Variants in RILPL2 observed in about 807,000 individuals in gnomAD.
The protein encoded by RILPL2 is Rab interacting lysosomal protein like 2.
RILPL2 carries 19 observed loss-of-function variants against 22.2 expected under a neutral mutation model. The observed-to-expected ratio is 0.86, with a 90% CI of 0.60 to 1.25. RILPL2 has a LOEUF of 1.25. Among genes scored for constraint, RILPL2 ranks in the 50% most tolerant of loss-of-function variants. The pLI, the probability that RILPL2 is intolerant of heterozygous loss-of-function variation, is 0.00. For missense variants in RILPL2, 243 were observed against 263.6 expected (o/e 0.92, Z 0.54); for synonymous variants, 123 against 111.6 (o/e 1.10, Z -0.64).
At position 123,430,570 on chromosome 12, in the gene RILPL2, C is replaced by T. The variant is rs1879614375; in HGVS notation, c.429G>A (p.Gln143=). Residue 143 remains glutamine, a synonymous_variant, in exon 2 of 4, where the codon CAG becomes CAA. Coordinates refer to ENST00000280571, the MANE Select transcript of RILPL2 (RefSeq NM_145058.3). ...FTLQELRDVL[Q]ERNKLKSQLL... ...GCTGCGACTTGAGTTTGTTGCGTTC[C>T]TGCAGCACATCCCTTAGCTCCTGCA... is the stretch of plus-strand genomic sequence containing the variant. The T allele has an allele frequency of 6.2e-7, 1 of 1,613,326 alleles. No individual in the cohort carries two copies. The highest frequency in any genetic ancestry group is 8.5e-7 in the Non-Finnish European group (1 of 1,179,506).
intron 2 of RILPL2, among the ~76,000 whole-genome samples, 182 bp from the exon 3 acceptor site, chr12:123,423,339 C>T (rs1879343312): frequency 6.6e-6 from 1 of 151,142 alleles, no homozygotes; most frequent in Admixed American, 6.6e-5. Flanking sequence ...ATAGCTAGGA[C>T]TACAGGCGCC....
intron 2 of RILPL2, among the ~76,000 whole-genome samples, chr12:123,427,661 C>G (rs1879479372): frequency 6.6e-6 from 1 of 151,996 alleles, no homozygotes; most frequent in Non-Finnish European, 1.5e-5. Flanking sequence ...CCTGCCTCAG[C>G]CTCCTGAACA....
At chr12:123,410,385 A>G (rs1051874808), downstream of RILPL2, among the ~76,000 whole-genome samples, 1 of 152,180 alleles carries the variant, frequency 6.6e-6, no homozygotes, top group Non-Finnish European at 1.5e-5. Flanking sequence ...CTTGGCTTAG[A>G]TGCAAAAGAT....
At chr12:123,418,326 G>A (rs747475471) in intron 3 of RILPL2, among the ~76,000 whole-genome samples, 3 of 152,060 alleles carry the variant, frequency 2.0e-5, no homozygotes, top group South Asian at 2.1e-4. Flanking sequence ...TTCCCAACTC[G>A]ATTTTCTTGT....
chr12:123,435,133 T>A (rs1242289763), intron 1 of RILPL2, among the ~76,000 whole-genome samples: 1 of 151,262 alleles, frequency 6.6e-6, no homozygotes, highest in African/African-American at 2.4e-5. Flanking sequence ...TGAGTCGAGG[T>A]CACGCCACTG....
In RILPL2 at chr12:123,430,663, G is replaced by A; in HGVS notation, c.340-4C>T. 6.4e-7 allele frequency: 1 copy of A among 1,573,780 alleles called. No homozygotes were observed. The highest frequency in any genetic ancestry group is 8.6e-7 in the Non-Finnish European group (1 of 1,157,394). On this transcript the variant is annotated splice_region_variant and splice_polypyrimidine_tract_variant and intron_variant, in intron 1 of 3. Coordinates refer to ENST00000280571, the MANE Select transcript of RILPL2 (RefSeq NM_145058.3). ...TTTTGTTTGGGCCCAGGTTCACCTG[G>A]AAGAAAAGACGCAACCTTTGCAAGC...
intron 1 of RILPL2, among the ~76,000 whole-genome samples, chr12:123,435,047 G>A (rs1245405297): frequency 1.3e-4 from 20 of 151,848 alleles, no homozygotes; most frequent in Non-Finnish European, 1.2e-4. Flanking sequence ...ACGCGTGGTG[G>A]CACACGCTTG....
At chr12:123,428,859 G>A (rs558661799) in intron 2 of RILPL2, among the ~76,000 whole-genome samples, 18 of 152,298 alleles carry the variant, frequency 1.2e-4, no homozygotes, top group Admixed American at 1.2e-3. Context: ...CCTGGCACAT[G>A]GCGAGTATCA....
rs560253709 is a variant in RILPL2 at position 123,416,058 on chromosome 12, C to A, written c.606-137G>T. 148 of 860,122 alleles carry A rather than the reference C, an allele frequency of 1.7e-4. 1 individual carries two copies. In the African/African-American group the frequency reaches 2.3e-3, roughly 13 times the overall value. 53.3% of individuals were successfully genotyped at this position (860,122 alleles called of 1,614,324 possible). ...TCCAGGCCAGGCATTGTGGCTCACG[C>A]CTGTAATCCTATGATTTTGGGAAGC... On this transcript the variant is annotated intron_variant, in intron 3 of 3. Transcript: ENST00000280571.
chr12:123,436,561 G>A lies in RILPL2; in HGVS notation c.-141C>T. 2 of 1,354,560 alleles carry A rather than the reference G, an allele frequency of 1.5e-6. No homozygotes were observed. The highest frequency in any genetic ancestry group is 9.8e-7 in the Non-Finnish European group (1 of 1,022,262). The allele number at this position is 1,354,560 out of a possible 1,614,324, so 83.9% of individuals were successfully genotyped here. A position where few individuals can be genotyped will look rare whatever the true frequency, so the allele number is the denominator to read the frequency against. On this transcript the variant is annotated 5_prime_UTR_variant, in exon 1 of 4. Coordinates refer to ENST00000280571, the MANE Select transcript of RILPL2 (RefSeq NM_145058.3). The surrounding 1 kb of genome is among the most constrained non-coding windows in gnomAD (Gnocchi z 6.7). Reference sequence around the variant, plus strand: ...CGCGGCCCGGGGGTGGGCCCGGGGGGATGGTGCAAGGGGCCGCGCACGCGA... The same window carrying A: ...CGCGGCCCGGGGGTGGGCCCGGGGGAATGGTGCAAGGGGCCGCGCACGCGA...
At position 123,415,556 on chromosome 12, in the gene RILPL2, G is replaced by T. The variant is rs1477101104; in HGVS notation, c.*335C>A. On this transcript the variant is annotated 3_prime_UTR_variant, in exon 4 of 4. Coordinates refer to ENST00000280571, the MANE Select transcript of RILPL2 (RefSeq NM_145058.3). ...TAACCATTGAAGACCAGGGTCATCC[G>T]TGGGAGCAGATGAGTAGGACACGCG... 2 of 330,340 alleles carry T rather than the reference G, an allele frequency of 6.1e-6. No individual in the cohort carries two copies. Among genetic ancestry groups the T allele is most frequent in the African/African-American group, 2.1e-5 (1 of 47,492 alleles). 20.5% of individuals were successfully genotyped at this position (330,340 alleles called of 1,614,324 possible). A position where few individuals can be genotyped will look rare whatever the true frequency, so the allele number is the denominator to read the frequency against.
chr12:123,418,154 T>C (rs1318149622), intron 3 of RILPL2, among the ~76,000 whole-genome samples: 1 of 151,660 alleles, frequency 6.6e-6, no homozygotes, highest in Non-Finnish European at 1.5e-5. Flanking sequence ...CAGGCTAGTC[T>C]CAAACTCTTG....
Position 123,415,462 on chromosome 12 carries a change from C to T in RILPL2, c.*429G>A, listed in dbSNP as rs1018410933. The T allele has an allele frequency of 5.5e-6, 1 of 183,232 alleles. No individual in the cohort carries two copies. Among genetic ancestry groups the T allele is most frequent in the Admixed American group, 5.6e-5 (1 of 17,970 alleles). 11.4% of individuals were successfully genotyped at this position (183,232 alleles called of 1,614,324 possible). A position where few individuals can be genotyped will look rare whatever the true frequency, so the allele number is the denominator to read the frequency against. ...GCATGTTGGCTAAATCAAATATTCA[C>T]TAAATATCAGTGAAGTCACCACTGG... On this transcript the variant is annotated 3_prime_UTR_variant, in exon 4 of 4. Coordinates refer to ENST00000280571, the MANE Select transcript of RILPL2 (RefSeq NM_145058.3).
At chr12:123,423,018 C>T in intron 3 of RILPL2, 26 bp downstream of exon 3, 1 of 1,519,002 alleles carries the variant, frequency 6.6e-7, no homozygotes, top group Non-Finnish European at 9.1e-7. Context: ...TTTGGCGGGA[C>T]CGGGGGGCAG....
the RILPL2 span, among the ~76,000 whole-genome samples, chr12:123,409,612 A>G: frequency 1.4e-5 from 2 of 147,522 alleles, no homozygotes. Flanking sequence ...GGGCAGTCTC[A>G]GCTCACTGCA....
chr12:123,410,570 TG>T (rs1878943510), downstream of RILPL2: 1 of 152,354 alleles, frequency 6.6e-6, no homozygotes, highest in Middle Eastern at 3.4e-3. Flanking sequence ...ATGTGGCTGC[TG>T]GAACAGAACC....
chr12:123,431,177 TAAAG>T (rs1350237879), intron 1 of RILPL2, among the ~76,000 whole-genome samples: 1 of 152,030 alleles, frequency 6.6e-6, no homozygotes, highest in Non-Finnish European at 1.5e-5. Context: ...AATGAATAGA[TAAAG>T]AAAGTATAGT....
At position 123,423,707 on chromosome 12, in the gene RILPL2, G is replaced by A. The variant is rs139601964; in HGVS notation, c.492-550C>T. On this transcript the variant is annotated intron_variant, in intron 2 of 3. Transcript: ENST00000280571. ...CTCGCTCTGTTGCCCAGGCTGGAGT[G>A]CAGTGGCGCGATCTCGGCTCACTGC... 2.5e-3 allele frequency among the ~76,000 whole-genome samples: 380 copies of A among 150,828 alleles called. 3 individuals are homozygous for A. The highest frequency in any genetic ancestry group is 9.0e-3 in the African/African-American group (369 of 41,066).
intron 2 of RILPL2, among the ~76,000 whole-genome samples, chr12:123,430,141 G>A (rs1206682531): frequency 1.4e-5 from 2 of 143,958 alleles, no homozygotes; most frequent in Admixed American, 1.4e-4. Flanking sequence ...CAGGCTTGGT[G>A]GCTCATGCCT....
Sources: gnomAD v4.1 joint callset for allele counts (sites outside exome capture counted in the v4.1 genomes callset) on GRCh38, gnomAD v4.1.1 for gene constraint, Gnocchi (gnomAD v3.1) non-coding constraint, MANE v1.5 for transcripts, NCBI Gene and HGNC (gene_info 2026-07-23, HGNC 2026-07-21) for gene names.